Variants in NAV1 observed in about 807,000 individuals in gnomAD.
NAV1 encodes the protein neuron navigator 1.
NAV1 carries 18 observed loss-of-function variants against 175.2 expected under a neutral mutation model. The ratio of observed to expected loss-of-function variants is 0.10; its 90% CI spans 0.07 to 0.15. The LOEUF (loss-of-function observed/expected upper bound fraction) is 0.15, where lower values mean the gene tolerates loss of function less well. Among genes scored for constraint, NAV1 ranks in the 10% least tolerant of loss-of-function variants. The pLI, the probability that NAV1 is intolerant of heterozygous loss-of-function variation, is 1.00. For synonymous variants in NAV1, 897 were observed against 978.7 expected (o/e 0.92, Z 1.56); for missense variants, 1,731 against 2,436.6 (o/e 0.71, Z 6.10).
At position 201,648,376 on chromosome 1, in the gene NAV1, T is replaced by C. The variant is rs948148371; in HGVS notation, c.-293T>C. On this transcript the variant is annotated 5_prime_UTR_variant, in exon 1 of 30. Transcript: ENST00000367296. ...ACTGATTTTTAAATTTTAATTTGTATTTTCCCCGCCGCCCCGCCCCTTTTC... is the reference window on the plus strand; with the variant it reads ...ACTGATTTTTAAATTTTAATTTGTACTTTCCCCGCCGCCCCGCCCCTTTTC... 3.3e-6 allele frequency: 4 copies of C among 1,221,832 alleles called. No individual in the cohort carries two copies. In the Admixed American group the frequency reaches 1.7e-4, roughly 52 times the overall value. The allele number at this position is 1,221,832 out of a possible 1,614,324, so 75.7% of individuals were successfully genotyped here.
chr1:201,632,910 A>T (rs926865761), intron 2 of NAV1, among the ~76,000 whole-genome samples: 5 of 152,242 alleles, frequency 3.3e-5, no homozygotes, highest in African/African-American at 1.2e-4. Context: ...GCAGGAATAG[A>T]GTATTCATTC....
intron 1 of NAV1, among the ~76,000 whole-genome samples, chr1:201,704,589 A>G (rs1339152973): frequency 1.3e-5 from 2 of 152,238 alleles, no homozygotes; most frequent in Non-Finnish European, 2.9e-5. Flanking sequence ...GCCACTTGGC[A>G]TCAGGAAGTC....
chr1:201,611,784 G>A (rs1037082057), intron 2 of NAV1, among the ~76,000 whole-genome samples: 7 of 152,202 alleles, frequency 4.6e-5, no homozygotes, highest in Non-Finnish European at 7.3e-5. Flanking sequence ...TGAGATGAGC[G>A]AGGATCGGAG....
At chr1:201,583,629 A>T (rs961375411) in intron 1 of NAV1, among the ~76,000 whole-genome samples, 3 of 152,182 alleles carry the variant, frequency 2.0e-5, no homozygotes. Flanking sequence ...TTGGGCAAAC[A>T]ATTGACCTTT....
intron 1 of NAV1, among the ~76,000 whole-genome samples, chr1:201,711,286 G>C (rs1671894816): frequency 6.6e-6 from 1 of 152,236 alleles, no homozygotes; most frequent in Non-Finnish European, 1.5e-5. Context: ...CCCCCTGGGA[G>C]GGGAAAGGAG....
At chr1:201,761,665 G>A in intron 3 of NAV1, among the ~76,000 whole-genome samples, 1 of 152,196 alleles carries the variant, frequency 6.6e-6, no homozygotes, top group East Asian at 1.9e-4. Context: ...TCCAACCTGT[G>A]TAGAAGAATT....
chr1:201,556,951 C>G (rs928850315), intron 1 of NAV1, among the ~76,000 whole-genome samples: 4 of 152,162 alleles, frequency 2.6e-5, no homozygotes, highest in Admixed American at 6.5e-5. Context: ...GTAGACTCGT[C>G]TCTGGTGCAA....
At chr1:201,629,714 G>A (rs1668432593) in intron 2 of NAV1, among the ~76,000 whole-genome samples, 1 of 152,224 alleles carries the variant, frequency 6.6e-6, no homozygotes, top group African/African-American at 2.4e-5. Flanking sequence ...GGGCAGCATA[G>A]GGAAGTGGCC....
chr1:201,668,687 A>C (rs1669921689), intron 1 of NAV1, among the ~76,000 whole-genome samples: 1 of 152,084 alleles, frequency 6.6e-6, no homozygotes, highest in Non-Finnish European at 1.5e-5. Context: ...GGCTGCCGAG[A>C]GCCACCTCTG....
intron 3 of NAV1, among the ~76,000 whole-genome samples, chr1:201,729,768 T>C (rs1196945771): frequency 1.3e-5 from 2 of 151,874 alleles, no homozygotes; most frequent in Non-Finnish European, 2.9e-5. Flanking sequence ...TAGCCGGGTG[T>C]GGTGGCGGGA....
intron 3 of NAV1, among the ~76,000 whole-genome samples, chr1:201,746,936 C>T (rs1265468028): frequency 6.6e-6 from 1 of 150,506 alleles, no homozygotes; most frequent in African/African-American, 2.5e-5. Flanking sequence ...CCCAGGAGGT[C>T]GAGGCTGCAG....
intron 2 of NAV1, 64 bp downstream of exon 6, chr1:201,712,983 G>A (rs1188089466): frequency 2.2e-5 from 29 of 1,311,472 alleles, no homozygotes; most frequent in Non-Finnish European, 2.9e-5. Flanking sequence ...CCATTCTGGA[G>A]GGCAGGGCCC....
At chr1:201,613,308 G>A (rs371011584) in intron 2 of NAV1, among the ~76,000 whole-genome samples, 4 of 135,580 alleles carry the variant, frequency 3.0e-5, no homozygotes, top group Non-Finnish European at 4.8e-5. Context: ...CCTCCCCCCC[G>A]CCACCAACCC....
chr1:201,705,590 T>A (rs1671634876), intron 1 of NAV1, among the ~76,000 whole-genome samples: 1 of 152,000 alleles, frequency 6.6e-6, no homozygotes, highest in Admixed American at 6.5e-5. Context: ...GCTGCGGGGG[T>A]TCGGTGACAA....
At chr1:201,565,383 G>A (rs1452103330) in intron 1 of NAV1, among the ~76,000 whole-genome samples, 3 of 152,194 alleles carry the variant, frequency 2.0e-5, no homozygotes, top group Non-Finnish European at 2.9e-5. Flanking sequence ...CCTGTGCCTC[G>A]GTTTCCTCCG....
At chr1:201,739,939 T>C in intron 3 of NAV1, 9 of 1,366,506 alleles carry the variant, frequency 6.6e-6, no homozygotes, top group Non-Finnish European at 7.6e-6. Context: ...CTCATACCTT[T>C]TCGGGTGTCC....
chr1:201,778,335 C>A (rs1036086718), intron 3 of NAV1, among the ~76,000 whole-genome samples: 1 of 152,208 alleles, frequency 6.6e-6, no homozygotes, highest in Admixed American at 6.5e-5. Context: ...TGCCTCACGA[C>A]CTTGATTACC....
intron 28 of NAV1, among the ~76,000 whole-genome samples, chr1:201,816,159 G>A (rs1351526549): frequency 1.3e-5 from 2 of 152,172 alleles, no homozygotes; most frequent in Non-Finnish European, 1.5e-5. Context: ...ATCATCTGAG[G>A]TCAGGAGTTC....
intron 2 of NAV1, among the ~76,000 whole-genome samples, chr1:201,596,422 G>A (rs549260349): frequency 6.6e-6 from 1 of 152,238 alleles, no homozygotes; most frequent in African/African-American, 2.4e-5. Flanking sequence ...GCACTGAAGA[G>A]GGAGCTTGGT....
Sources: gnomAD v4.1 joint callset for allele counts (sites outside exome capture counted in the v4.1 genomes callset) on GRCh38, gnomAD v4.1.1 for gene constraint, MANE v1.5 for transcripts, NCBI Gene and HGNC (gene_info 2026-07-23, HGNC 2026-07-21) for gene names.